The following MACF1 variants were observed in gnomAD, a reference collection of about 807,000 sequenced individuals.
MACF1 encodes the protein microtubule-actin cross-linking factor 1.
A neutral mutation model predicts 854.8 loss-of-function variants in MACF1; 193 were observed. That is an observed-to-expected ratio of 0.23 (90% CI 0.20 to 0.25). The LOEUF (loss-of-function observed/expected upper bound fraction) is 0.25. Among genes scored for constraint, MACF1 ranks in the 10% least tolerant of loss-of-function variants. The probability of loss-of-function intolerance (pLI) is 1.00; values close to 1 mark genes in which losing one functional copy is unlikely to be tolerated. For synonymous variants in MACF1, 3,185 were observed against 3,226.7 expected (o/e 0.99, Z 0.44); for missense variants, 7,722 against 8,929.1 (o/e 0.86, Z 5.45).
chr1:39,402,729 A>G lies in MACF1; in HGVS notation c.15816+14071A>G, dbSNP rs530225036. Among the ~76,000 whole-genome samples, 54 of 152,312 alleles carry G rather than the reference A, an allele frequency of 3.5e-4. 1 individual carries two copies. The highest frequency in any genetic ancestry group is 7.2e-4 in the Non-Finnish European group (49 of 68,020). ...CACTGTGCTGAAACTGCTCTCTTAG[A>G]TATTCATTGGCTTCCTAGTTGCCAA... On this transcript the variant is annotated intron_variant, in intron 58 of 100. Coordinates refer to ENST00000564288, the MANE Select transcript of MACF1 (RefSeq NM_001394062.1).
At position 39,353,763 on chromosome 1, in the gene MACF1, C is replaced by T. The variant is rs141130584; in HGVS notation, c.11424+532C>T. On this transcript the variant is annotated intron_variant, in intron 44 of 100. Transcript: ENST00000564288. ...CTTTATTCCCACTTCATTGTCTGAA[C>T]TGGACATCATCCTAGATTCCATTCT... Among the ~76,000 whole-genome samples, 15 of 152,260 alleles carry T rather than the reference C, an allele frequency of 9.9e-5. No individual in the cohort carries two copies. The East Asian group carries it at 2.3e-3, about 23-fold the overall frequency.
At chr1:39,428,904 C>T (rs1643809933) in intron 63 of MACF1, among the ~76,000 whole-genome samples, 2 of 152,260 alleles carry the variant, frequency 1.3e-5, no homozygotes, top group Non-Finnish European at 2.9e-5. Flanking sequence ...TTCTCTTGAA[C>T]TTTCTGTTTA....
intron 6 of MACF1, chr1:39,268,895 G>A (rs1451234114): frequency 7.8e-7 from 1 of 1,288,922 alleles, no homozygotes; most frequent in Admixed American, 2.3e-5. Context: ...CCCTAACGAA[G>A]TTAACAGAGA....
intron 41 of MACF1, among the ~76,000 whole-genome samples, chr1:39,348,614 G>C (rs1021811613): frequency 6.6e-6 from 1 of 152,180 alleles, no homozygotes; most frequent in Non-Finnish European, 1.5e-5. Flanking sequence ...GTCCTAAAGA[G>C]GGGGAGAGAG....
Position 39,318,565 on chromosome 1 carries a change from G to A in MACF1, c.3895G>A (p.Gly1299Ser), listed in dbSNP as rs369419637. The change falls in exon 30 of 101, where the codon GGC (glycine) becomes AGC (serine). Residue 1299 changes from glycine (G) to serine (S), a missense_variant. Transcript: ENST00000564288. ...TTAQQEMMKP[G>S]QAEDSRVLSE... ...TGCCCAGCAGGAAATGATGAAGCCA[G>A]GCCAGGCAGAGGATAGCAGAGTGCT... is the stretch of plus-strand genomic sequence containing the variant. 1 of 1,613,916 alleles carries A rather than the reference G, an allele frequency of 6.2e-7. No homozygotes were observed. The highest frequency in any genetic ancestry group is 1.3e-5 in the African/African-American group (1 of 75,022).
chr1:39,111,691 T>G (rs1571053530), intron 2 of MACF1, among the ~76,000 whole-genome samples: 2 of 152,062 alleles, frequency 1.3e-5, no homozygotes, highest in East Asian at 3.9e-4. Context: ...ATTATTTTAT[T>G]TTTTTTATAG....
chr1:39,368,114 G>A, intron 49 of MACF1, 34 bp from the exon 50 acceptor site: 1 of 1,597,142 alleles, frequency 6.3e-7, no homozygotes, highest in Non-Finnish European at 8.6e-7. Context: ...ATAAGGATTA[G>A]AGGATTTAAT....
At chr1:39,237,799 T>C (rs1644876609) in intron 2 of MACF1, among the ~76,000 whole-genome samples, 1 of 152,050 alleles carries the variant, frequency 6.6e-6, no homozygotes, top group Non-Finnish European at 1.5e-5. Flanking sequence ...GCCTAAAAAT[T>C]AGCAAAAACT....
Position 39,353,054 on chromosome 1 carries a change from T to C in MACF1, c.11247T>C (p.Ala3749=), listed in dbSNP as rs1647246021. The change falls in exon 44 of 101, where the codon GCT becomes GCC. Residue 3749 remains alanine, a synonymous_variant. Coordinates refer to ENST00000564288, the MANE Select transcript of MACF1 (RefSeq NM_001394062.1). ...CAGAGAACAAGAAGAAGATCGATGC[T>C]CTCCTGGATTGGGTAACTTCAGTAG... is the stretch of plus-strand genomic sequence containing the variant. ...ELAENKKKID[A]LLDWVTSVGS... The C allele has an allele frequency of 4.3e-6, 7 of 1,613,930 alleles. No homozygotes were observed. Among genetic ancestry groups the C allele is most frequent in the Non-Finnish European group, 4.2e-6 (5 of 1,179,966 alleles).
rs934644924 is a variant in MACF1, at chr1:39,334,680, A to G, written c.8092A>G (p.Thr2698Ala). ...TACTGGTGGAATCATAGATACTGCT[A>G]CTGGAAAAAGACTGACATTGGCATC... ...ANTGGIIDTA[T>A]GKRLTLASAL... The change falls in exon 37 of 101, where the codon ACT becomes GCT. Residue 2698 changes from threonine to alanine, a missense_variant. Transcript: ENST00000564288. The G allele has an allele frequency of 1.6e-5, 26 of 1,614,026 alleles. No homozygotes were observed. In the Admixed American group the frequency reaches 3.0e-4, roughly 19 times the overall value.
chr1:39,335,564 A>G lies in MACF1; in HGVS notation c.8976A>G (p.Ala2992=). 1 of 1,614,220 alleles carries G rather than the reference A, an allele frequency of 6.2e-7. No homozygotes were observed. The change falls in exon 37 of 101, where the codon GCA becomes GCG. Residue 2992 remains alanine, a synonymous_variant. Coordinates refer to ENST00000564288, the MANE Select transcript of MACF1 (RefSeq NM_001394062.1). The part of the protein sequence containing the change: ...VEESIRTCKP[A]FLSEEKLYQE... ...AAAGTATCAGAACATGCAAACCAGCATTTCTTTCTGAAGAAAAGTTGTATC... is the reference window on the plus strand; with the variant it reads ...AAAGTATCAGAACATGCAAACCAGCGTTTCTTTCTGAAGAAAAGTTGTATC...
intron 16 of MACF1, 40 bp from the exon 17 acceptor site, chr1:39,292,726 C>T (rs1481561046): frequency 5.0e-6 from 7 of 1,412,350 alleles, no homozygotes; most frequent in Non-Finnish European, 6.9e-6. Context: ...TTTACTTACT[C>T]TTTCTCTAAT....
chr1:39,173,559 A>T (rs1643982394), intron 2 of MACF1, among the ~76,000 whole-genome samples: 1 of 152,072 alleles, frequency 6.6e-6, no homozygotes, highest in Non-Finnish European at 1.5e-5. Context: ...CTGTATCTTC[A>T]GATGTGTTTT....
At chr1:39,317,987 A>C (rs1424284831) in intron 29 of MACF1, among the ~76,000 whole-genome samples, 2 of 152,136 alleles carry the variant, frequency 1.3e-5, no homozygotes, top group Non-Finnish European at 2.9e-5. Context: ...TAGACTAGAG[A>C]AGTGATATGA....
chr1:39,454,660 T>C (rs563946684), intron 88 of MACF1, among the ~76,000 whole-genome samples: 4 of 152,042 alleles, frequency 2.6e-5, no homozygotes, highest in African/African-American at 7.2e-5. Flanking sequence ...ATTAGCTGGG[T>C]ATGGTGGCAC....
intron 2 of MACF1, among the ~76,000 whole-genome samples, chr1:39,156,934 T>C (rs187982176): frequency 3.3e-5 from 5 of 151,816 alleles, no homozygotes. Context: ...GCACAAAAGC[T>C]TGGGTTGGTT....
At position 39,385,532 on chromosome 1, in the gene MACF1, C is replaced by G; in HGVS notation, c.13947C>G (p.Ser4649=). 1.2e-6 allele frequency: 2 copies of G among 1,614,122 alleles called. No individual in the cohort carries two copies. Among genetic ancestry groups the G allele is most frequent in the Non-Finnish European group, 1.7e-6 (2 of 1,180,016 alleles). ...ILTGPGDVSL[S]TSQVQKELQS... Reference sequence around the variant, plus strand: ...CAGGCCCTGGAGATGTCTCTCTGTCCACCAGCCAAGTACAGAAAGAACTCC... The same window carrying G: ...CAGGCCCTGGAGATGTCTCTCTGTCGACCAGCCAAGTACAGAAAGAACTCC... Residue 4649 remains serine (S), a synonymous_variant, in exon 57 of 101, where the codon TCC becomes TCG. Coordinates refer to ENST00000564288, the MANE Select transcript of MACF1 (RefSeq NM_001394062.1).
At chr1:39,223,102 G>T (rs1342243736) in intron 1 of MACF1, among the ~76,000 whole-genome samples, 1 of 152,206 alleles carries the variant, frequency 6.6e-6, no homozygotes, top group Non-Finnish European at 1.5e-5. Context: ...GGGGATAGTT[G>T]AGTTGAAGGC....
At chr1:39,449,766 C>G (rs2148676473) in intron 84 of MACF1, among the ~76,000 whole-genome samples, 1 of 146,896 alleles carries the variant, frequency 6.8e-6, no homozygotes, top group South Asian at 2.1e-4. Flanking sequence ...GCAGAACTTA[C>G]TGCAGCCTCC....
Sources: gnomAD v4.1 joint callset for allele counts (sites outside exome capture counted in the v4.1 genomes callset) on GRCh38, gnomAD v4.1.1 for gene constraint, MANE v1.5 for transcripts, NCBI Gene and HGNC (gene_info 2026-07-23, HGNC 2026-07-21) for gene names.